The following PRKN variants were observed in gnomAD, a reference collection of about 807,000 sequenced individuals.
The protein encoded by PRKN is parkin RBR E3 ubiquitin protein ligase.
PRKN carries 56 observed loss-of-function variants against 59.5 expected under a neutral mutation model. That is an observed-to-expected ratio of 0.94 (90% CI 0.76 to 1.18). PRKN has a LOEUF of 1.18. Ranked by LOEUF, PRKN falls within the 50% of genes most tolerant of loss-of-function variation. PRKN has a pLI of 0.00. For synonymous variants in PRKN, 250 were observed against 222.1 expected (o/e 1.13, Z -1.12); for missense variants, 657 against 596.4 (o/e 1.10, Z -1.06).
At chr6:162,239,758 C>T (rs1778906656) in intron 3 of PRKN, among the ~76,000 whole-genome samples, 1 of 151,980 alleles carries the variant, frequency 6.6e-6, no homozygotes, top group Non-Finnish European at 1.5e-5. Flanking sequence ...AGAAGACCAC[C>T]AAGACCACCA....
Position 162,021,227 on chromosome 6 carries a change from CAAAT to C in PRKN, c.618+32860_618+32863del, listed in dbSNP as rs1383484549. ...TATAATATATAACATCTATATACAT[CAAAT>C]ATATATATAATGTACTTAATTGATA... On this transcript the variant is annotated intron_variant, in intron 5 of 11. Coordinates refer to ENST00000366898, the MANE Select transcript of PRKN (RefSeq NM_004562.3). 7.3e-4 allele frequency among the ~76,000 whole-genome samples: 97 copies of C among 132,116 alleles called. 4 individuals carry two copies. Among genetic ancestry groups the C allele is most frequent in the South Asian group, 2.4e-4 (1 of 4,122 alleles). 86.7% of individuals were successfully genotyped at this position (132,116 alleles called of 152,430 possible). A position where few individuals can be genotyped will look rare whatever the true frequency, so the allele number is the denominator to read the frequency against.
At chr6:161,795,228 C>CTTTTTTTTTTTTTTTTTTTTTTTTTT (rs58319044) in intron 6 of PRKN, among the ~76,000 whole-genome samples, 1 of 128,426 alleles carries the variant, frequency 7.8e-6, no homozygotes, top group Non-Finnish European at 1.6e-5. Context: ...GTTTTCTTTT[C>CTTTTTTTTTTTTTTTTTTTTTTTTTT]TTTTTTTTTT....
intron 3 of PRKN, among the ~76,000 whole-genome samples, chr6:162,243,568 G>T (rs1779078304): frequency 6.6e-6 from 1 of 152,042 alleles, no homozygotes; most frequent in African/African-American, 2.4e-5. Flanking sequence ...TTTAATAGAG[G>T]TTTCTAGTAC....
In PRKN at chr6:161,944,108, A is replaced by AATCAGCCTGAGGGACCAGCCTGAGGG. The variant is rs1245865401; in HGVS notation, c.734+29168_734+29193dup. On this transcript the variant is annotated intron_variant, in intron 6 of 11. Transcript: ENST00000366898. ...ACCAGCCTGAGGGATCAGCCTGAGG[A>AATCAGCCTGAGGGACCAGCCTGAGGG]ATCAGCCTGAGGGACCAGCCTGAGG... Among the ~76,000 whole-genome samples, 202 of 120,260 alleles carry AATCAGCCTGAGGGACCAGCCTGAGGG rather than the reference A, an allele frequency of 1.7e-3. 4 individuals carry two copies. The highest frequency in any genetic ancestry group is 7.8e-3 in the African/African-American group (191 of 24,492). The allele number at this position is 120,260 out of a possible 152,430, so 78.9% of individuals were successfully genotyped here.
At chr6:162,727,209 G>T (rs1470458260) in intron 1 of PRKN, 2 of 163,112 alleles carry the variant, frequency 1.2e-5, no homozygotes, top group South Asian at 1.8e-4. Flanking sequence ...GCTTTGCTGC[G>T]GTTTCCTGAA....
chr6:162,721,658 T>C (rs556181138), intron 1 of PRKN, among the ~76,000 whole-genome samples: 15 of 152,316 alleles, frequency 9.8e-5, no homozygotes, highest in African/African-American at 3.1e-4. Flanking sequence ...AGTACTTCCT[T>C]GTATAAACCT....
At chr6:161,740,611 G>A (rs568899146) in intron 7 of PRKN, among the ~76,000 whole-genome samples, 4 of 152,312 alleles carry the variant, frequency 2.6e-5, no homozygotes, top group South Asian at 2.1e-4. Context: ...TTTAGAAACC[G>A]GATGTGGTAG....
Position 161,355,081 on chromosome 6 carries a change from A to G in PRKN, c.1286-4870T>C, listed in dbSNP as rs1257371540. On this transcript the variant is annotated intron_variant, in intron 11 of 11. Coordinates refer to ENST00000366898, the MANE Select transcript of PRKN (RefSeq NM_004562.3). This position sits in a 1 kb window ranked among gnomAD's most constrained non-coding sequence, Gnocchi z 6.8. ...TGCCATTCAGGGACCTCAATTCTGCATCCTACCTACTGCTTCAGCTGAGGC... is the reference window on the plus strand; with the variant it reads ...TGCCATTCAGGGACCTCAATTCTGCGTCCTACCTACTGCTTCAGCTGAGGC... Among the ~76,000 whole-genome samples the G allele has an allele frequency of 6.6e-6, 1 of 152,232 alleles. No individual in the cohort carries two copies. The highest frequency in any genetic ancestry group is 1.5e-5 in the Non-Finnish European group (1 of 68,034).
chr6:161,635,000 G>A (rs565124355), intron 7 of PRKN, among the ~76,000 whole-genome samples: 2 of 152,080 alleles, frequency 1.3e-5, no homozygotes, highest in Non-Finnish European at 2.9e-5. Flanking sequence ...ATGTTGAAGC[G>A]GGCAGACGGT....
intron 3 of PRKN, among the ~76,000 whole-genome samples, chr6:162,234,360 C>G (rs1778552420): frequency 6.6e-6 from 1 of 152,092 alleles, no homozygotes. Context: ...AGTTTATATA[C>G]TAAAAGGTTT....
At chr6:162,265,312 C>T (rs1331279752) in intron 2 of PRKN, 1 of 152,204 alleles carries the variant, frequency 6.6e-6, no homozygotes, top group Non-Finnish European at 1.5e-5. Flanking sequence ...CTGTGTCCAG[C>T]CACATGAATG....
intron 3 of PRKN, among the ~76,000 whole-genome samples, chr6:162,230,855 T>C (rs564391016): frequency 3.3e-5 from 5 of 152,332 alleles, no homozygotes; most frequent in South Asian, 2.1e-4. Flanking sequence ...AAAAATTCTA[T>C]GCATGCCCAT....
chr6:162,247,878 C>T (rs754697561), intron 3 of PRKN, among the ~76,000 whole-genome samples: 11 of 152,092 alleles, frequency 7.2e-5, no homozygotes, highest in African/African-American at 1.9e-4. Context: ...TTGATTAAAT[C>T]GATAATTAAA....
chr6:162,257,452 A>C (rs1779688571), intron 3 of PRKN, among the ~76,000 whole-genome samples: 1 of 152,126 alleles, frequency 6.6e-6, no homozygotes, highest in South Asian at 2.1e-4. Flanking sequence ...CAAAACATCT[A>C]GAGGAAATGC....
chr6:161,985,158 C>G (rs546501398), intron 5 of PRKN, among the ~76,000 whole-genome samples: 26 of 152,296 alleles, frequency 1.7e-4, no homozygotes, highest in African/African-American at 6.3e-4. Flanking sequence ...ATAAATCGAG[C>G]ATATCTCTTC....
intron 3 of PRKN, among the ~76,000 whole-genome samples, chr6:162,259,982 AAC>A (rs1779816962): frequency 6.6e-6 from 1 of 152,210 alleles, no homozygotes; most frequent in South Asian, 2.1e-4. Context: ...CTGTTAGTTT[AAC>A]ACAGAGTTAA....
intron 4 of PRKN, among the ~76,000 whole-genome samples, chr6:162,186,677 A>T (rs2128324941): frequency 6.6e-6 from 1 of 152,322 alleles, no homozygotes; most frequent in East Asian, 1.9e-4. Flanking sequence ...GTTTCTCATG[A>T]GTGGCTTAGC....
intron 1 of PRKN, chr6:162,569,205 T>G: frequency 1.8e-6 from 1 of 570,228 alleles, no homozygotes; most frequent in Non-Finnish European, 3.3e-6. Context: ...ATCTCCAAGA[T>G]GAACTGGAAC....
At chr6:162,716,812 T>A (rs1778748377) in intron 1 of PRKN, among the ~76,000 whole-genome samples, 1 of 145,580 alleles carries the variant, frequency 6.9e-6, no homozygotes, top group South Asian at 2.2e-4. Context: ...ACACACAGAC[T>A]CCTCATGTGT....
Sources: gnomAD v4.1 joint callset for allele counts (sites outside exome capture counted in the v4.1 genomes callset) on GRCh38, gnomAD v4.1.1 for gene constraint, Gnocchi (gnomAD v3.1) non-coding constraint, MANE v1.5 for transcripts, NCBI Gene and HGNC (gene_info 2026-07-23, HGNC 2026-07-21) for gene names.